AZI2: variants seen among roughly 807,000 people sequenced by gnomAD.
AZI2 encodes the protein 5-azacytidine induced 2.
In AZI2, 22 loss-of-function variants were observed where a neutral mutation model predicts 45.8. The ratio of observed to expected loss-of-function variants is 0.48; its 90% CI spans 0.34 to 0.69. AZI2 has a LOEUF of 0.69. AZI2 is among the 30% of genes least tolerant of loss of function. AZI2 has a pLI of 0.01. For missense variants in AZI2, 417 were observed against 441.5 expected, an observed-to-expected ratio of 0.94 and a Z score of 0.50; for synonymous variants, 137 against 156.7, an observed-to-expected ratio of 0.87 and a Z score of 0.94.
intron 1 of AZI2, among the ~76,000 whole-genome samples, chr3:28,345,930 T>G (rs183478760): frequency 6.6e-6 from 1 of 152,280 alleles, no homozygotes; most frequent in East Asian, 1.9e-4. Context: ...TGCCATTTAT[T>G]GATCACTTAC....
chr3:28,342,254 T>A (rs995346186), intron 1 of AZI2, among the ~76,000 whole-genome samples: 2 of 152,074 alleles, frequency 1.3e-5, no homozygotes, highest in African/African-American at 2.4e-5. Context: ...CAGGTTAAAA[T>A]AAATGTGTAT....
At chr3:28,344,435 A>G (rs1337100516) in intron 1 of AZI2, among the ~76,000 whole-genome samples, 1 of 152,068 alleles carries the variant, frequency 6.6e-6, no homozygotes, top group East Asian at 1.9e-4. Flanking sequence ...AACTGTTAGC[A>G]AAGTAAAAAG....
chr3:28,346,989 T>C (rs889980157), intron 1 of AZI2, among the ~76,000 whole-genome samples: 4 of 152,226 alleles, frequency 2.6e-5, no homozygotes, highest in Non-Finnish European at 4.4e-5. Context: ...AATCAGTTTG[T>C]ATTGCACAGA....
Position 28,337,915 on chromosome 3 carries a change from T to C in AZI2, c.439+22A>G, listed in dbSNP as rs762768812. ...AAATATGTTAATTCTGTTAGAATAT[T>C]TATAACAAGTAACTGGCATACCCTG... On this transcript the variant is annotated intron_variant, in intron 4 of 7. Coordinates refer to ENST00000479665, the MANE Select transcript of AZI2 (RefSeq NM_022461.5). The C allele has an allele frequency of 5.0e-6, 7 of 1,403,632 alleles. No individual in the cohort carries two copies. In the South Asian group the frequency reaches 8.8e-5, roughly 18 times the overall value. 86.9% of individuals were successfully genotyped at this position (1,403,632 alleles called of 1,614,324 possible). A position where few individuals can be genotyped will look rare whatever the true frequency, so the allele number is the denominator to read the frequency against.
intron 1 of AZI2, among the ~76,000 whole-genome samples, chr3:28,343,075 A>G (rs1704086459): frequency 1.3e-5 from 2 of 152,092 alleles, no homozygotes; most frequent in Admixed American, 1.3e-4. Context: ...TCATGAAACA[A>G]TCATTTACAC....
At chr3:28,348,497 T>G (rs1226050074) in intron 1 of AZI2, 104 bp downstream of exon 1, 2 of 148,620 alleles carry the variant, frequency 1.3e-5, no homozygotes, top group African/African-American at 5.0e-5. Context: ...CGGGAGGGAG[T>G]GAGAAAAAAA....
chr3:28,332,619 C>A (rs1703627012), intron 5 of AZI2, among the ~76,000 whole-genome samples, 192 bp from the exon 6 acceptor site: 1 of 151,538 alleles, frequency 6.6e-6, no homozygotes. Context: ...AAATCACGTC[C>A]AATGGTTTAA....
At position 28,324,068 on chromosome 3, in the gene AZI2, T is replaced by C; in HGVS notation, c.1153A>G (p.Asn385Asp). 6.2e-7 allele frequency: 1 copy of C among 1,609,018 alleles called. No homozygotes were observed. The highest frequency in any genetic ancestry group is 2.2e-5 in the East Asian group (1 of 44,774). ...TAATTCTTATAAAGGCAGTTCTGAT[T>C]ATGTTGATCCAAGTAATGCAGTGGT... ...LPPLHYLDQH[N>D]QNCLYKN The change falls in exon 8 of 8, where the codon AAT becomes GAT. Residue 385 changes from asparagine to aspartate, a missense_variant. By Grantham distance (23) the Asn-to-Asp change is conservative (BLOSUM62 1). Transcript: ENST00000479665.
In AZI2 at chr3:28,322,752, T is replaced by C. The variant is rs1703225480; in HGVS notation, c.*1290A>G. The C allele has an allele frequency of 6.6e-6, 1 of 151,588 alleles. No individual in the cohort carries two copies. The highest frequency in any genetic ancestry group is 2.4e-5 in the African/African-American group (1 of 41,314). The allele number at this position is 151,588 out of a possible 1,614,324, so 9.4% of individuals were successfully genotyped here. A position where few individuals can be genotyped will look rare whatever the true frequency, so the allele number is the denominator to read the frequency against. ...AATCACAGACAAGCTTGAATAAGTGTAAGATAATAGAAAAAAATATCTAGT... is the reference window on the plus strand; with the variant it reads ...AATCACAGACAAGCTTGAATAAGTGCAAGATAATAGAAAAAAATATCTAGT... On this transcript the variant is annotated 3_prime_UTR_variant, in exon 8 of 8. Transcript: ENST00000479665.
At chr3:28,346,416 G>C (rs1274322062) in intron 1 of AZI2, among the ~76,000 whole-genome samples, 1 of 152,034 alleles carries the variant, frequency 6.6e-6, no homozygotes, top group East Asian at 1.9e-4. Context: ...ATTTATGCCA[G>C]GAACTGCATA....
Position 28,332,395 on chromosome 3 carries a change from T to C in AZI2, c.621A>G (p.Arg207=). 6.2e-7 allele frequency: 1 copy of C among 1,608,934 alleles called. No individual in the cohort carries two copies. The highest frequency in any genetic ancestry group is 8.5e-7 in the Non-Finnish European group (1 of 1,176,438). The change falls in exon 6 of 8, where the codon AGA becomes AGG. Residue 207 remains arginine (R), a synonymous_variant. Coordinates refer to ENST00000479665, the MANE Select transcript of AZI2 (RefSeq NM_022461.5). The part of the protein sequence containing the change: ...DPYQEDNLKS[R]DLQKLSISSD... ...TTGAAATGCTTAGTTTTTGGAGATC[T>C]CTGCTCTTCAGATTGTCTTCCTGAT... is the stretch of plus-strand genomic sequence containing the variant.
chr3:28,342,821 G>A (rs757803299), intron 1 of AZI2, among the ~76,000 whole-genome samples: 35 of 151,980 alleles, frequency 2.3e-4, no homozygotes, highest in Non-Finnish European at 4.3e-4. Flanking sequence ...CTGGTTTAAG[G>A]AGAGGTAAAA....
At chr3:28,329,686 C>A (rs1321058252) in intron 6 of AZI2, among the ~76,000 whole-genome samples, 1 of 151,208 alleles carries the variant, frequency 6.6e-6, no homozygotes, top group Non-Finnish European at 1.5e-5. Flanking sequence ...ACTATTACAT[C>A]CTCCATCATC....
intron 1 of AZI2, among the ~76,000 whole-genome samples, chr3:28,342,969 AC>A (rs1704083357): frequency 6.6e-6 from 1 of 151,940 alleles, no homozygotes; most frequent in Admixed American, 6.6e-5. Context: ...AAAAACAGAT[AC>A]CCTGCAGTTT....
intron 5 of AZI2, 70 bp downstream of exon 5, chr3:28,336,666 AT>A (rs1703803527): frequency 4.1e-6 from 6 of 1,450,292 alleles, no homozygotes; most frequent in Non-Finnish European, 5.7e-6. Context: ...GTTTAATACA[AT>A]CTTAGTTATA....
chr3:28,339,391 A>AT (rs1703923775), intron 2 of AZI2, among the ~76,000 whole-genome samples: 1 of 152,154 alleles, frequency 6.6e-6, no homozygotes, highest in African/African-American at 2.4e-5. Flanking sequence ...AATATTTCCA[A>AT]TGTTAACTAT....
intron 6 of AZI2, chr3:28,331,634 T>A: frequency 8.4e-7 from 1 of 1,193,446 alleles, no homozygotes; most frequent in East Asian, 3.7e-5. Flanking sequence ...CTGACACAAT[T>A]CACATTATTT....
At chr3:28,327,489 GT>G in intron 6 of AZI2, among the ~76,000 whole-genome samples, 1 of 151,066 alleles carries the variant, frequency 6.6e-6, no homozygotes, top group African/African-American at 2.4e-5. Flanking sequence ...GTCTCATAAT[GT>G]TGGTTCTAAA....
chr3:28,344,687 G>A (rs1360332752), intron 1 of AZI2, among the ~76,000 whole-genome samples: 1 of 151,988 alleles, frequency 6.6e-6, no homozygotes, highest in African/African-American at 2.4e-5. Context: ...ACTAGACCAA[G>A]CTAGTTATAT....
Sources: allele counts gnomAD v4.1 joint callset (sites outside exome capture counted in the v4.1 genomes callset), GRCh38; gene constraint gnomAD v4.1.1; transcripts MANE v1.5; gene names NCBI Gene and HGNC (gene_info 2026-07-23, HGNC 2026-07-21).